DPP6: variants seen among roughly 807,000 people sequenced by gnomAD.
DPP6 encodes A-type potassium channel modulatory protein DPP6.
A neutral mutation model predicts 122.6 loss-of-function variants in DPP6; 69 were observed. The ratio of observed to expected loss-of-function variants is 0.56; its 90% CI spans 0.46 to 0.69. DPP6 has a LOEUF of 0.69. Among genes scored for constraint, DPP6 ranks in the 30% least tolerant of loss-of-function variants. The probability of loss-of-function intolerance (pLI) is 0.00; values close to 1 mark genes in which losing one functional copy is unlikely to be tolerated. For missense variants in DPP6, 928 were observed against 1,116.9 expected, an observed-to-expected ratio of 0.83 and a Z score of 2.41; for synonymous variants, 418 against 433.1, an observed-to-expected ratio of 0.97 and a Z score of 0.43.
At chr7:154,359,187 C>A (rs1004678358) in intron 1 of DPP6, among the ~76,000 whole-genome samples, 3 of 152,186 alleles carry the variant, frequency 2.0e-5, no homozygotes, top group African/African-American at 4.8e-5. Context: ...CACTCTGGGA[C>A]AAGCCCCCTG....
At chr7:154,445,228 A>G (rs537822585) in intron 1 of DPP6, among the ~76,000 whole-genome samples, 2 of 152,292 alleles carry the variant, frequency 1.3e-5, no homozygotes, top group South Asian at 2.1e-4. Context: ...GTGCACTATA[A>G]GAGTGTATTC....
At chr7:154,754,838 A>G (rs1174383419) in intron 8 of DPP6, among the ~76,000 whole-genome samples, 1 of 152,200 alleles carries the variant, frequency 6.6e-6, no homozygotes, top group African/African-American at 2.4e-5. Flanking sequence ...GACATGGATG[A>G]AGCTGGAAAC....
chr7:154,391,844 T>G (rs1041419884), intron 1 of DPP6, among the ~76,000 whole-genome samples: 3 of 152,194 alleles, frequency 2.0e-5, no homozygotes, highest in Non-Finnish European at 2.9e-5. Context: ...GCTTTAGGTC[T>G]CGGAGATCAG....
At chr7:153,965,728 C>T (rs1795673354) in intron 1 of DPP6, among the ~76,000 whole-genome samples, 1 of 151,904 alleles carries the variant, frequency 6.6e-6, no homozygotes, top group South Asian at 2.1e-4. Context: ...CGGTGGCTCA[C>T]ACCTGTAATC....
chr7:154,351,473 A>G (rs1201139318), intron 1 of DPP6, among the ~76,000 whole-genome samples: 3 of 152,042 alleles, frequency 2.0e-5, no homozygotes, highest in Non-Finnish European at 4.4e-5. Context: ...GGGATTAGAG[A>G]TCAAAAGGGG....
chr7:154,158,520 G>A lies in DPP6; in HGVS notation c.243+105457G>A, dbSNP rs1225521570. On this transcript the variant is annotated intron_variant, in intron 1 of 25. Coordinates refer to ENST00000377770, the MANE Select transcript of DPP6 (RefSeq NM_130797.4). ...AATGCAAAACATTACTATATTTTGAGGCTATTCCGAAGAAACAGATTTTGT... is the reference window on the plus strand; with the variant it reads ...AATGCAAAACATTACTATATTTTGAAGCTATTCCGAAGAAACAGATTTTGT... Among the ~76,000 whole-genome samples, 11 of 150,960 alleles carry A rather than the reference G, an allele frequency of 7.3e-5. 1 individual carries two copies. Among genetic ancestry groups the A allele is most frequent in the African/African-American group, 2.4e-4 (10 of 40,960 alleles).
rs567330954 is a variant in DPP6 at position 154,295,423 on chromosome 7, G to C, written c.244-150791G>C. Among the ~76,000 whole-genome samples the C allele has an allele frequency of 8.5e-5, 13 of 152,286 alleles. No homozygotes were observed. In the East Asian group the frequency reaches 2.3e-3, roughly 27 times the overall value. ...CCTCTAAGCCCCAATTTTCATATCT[G>C]TAAATTCCCTCCTAGGATCCTTGTG... On this transcript the variant is annotated intron_variant, in intron 1 of 25. Coordinates refer to ENST00000377770, the MANE Select transcript of DPP6 (RefSeq NM_130797.4).
intron 1 of DPP6, among the ~76,000 whole-genome samples, chr7:154,127,614 C>G (rs868554978): frequency 2.3e-4 from 25 of 106,438 alleles, no homozygotes; most frequent in African/African-American, 1.1e-3. Flanking sequence ...CACACACACA[C>G]ACACACACAC....
chr7:154,250,573 T>C (rs75099237), intron 1 of DPP6, among the ~76,000 whole-genome samples: 5,946 of 152,148 alleles, frequency 0.039, 187 homozygotes, highest in East Asian at 0.14. Context: ...TGTAGAAAAA[T>C]GGGTGTTTCT....
chr7:154,253,650 GATA>G (rs1260668839), intron 1 of DPP6, among the ~76,000 whole-genome samples: 2 of 152,168 alleles, frequency 1.3e-5, no homozygotes, highest in African/African-American at 4.8e-5. Context: ...TGATGATGAA[GATA>G]ATGATGATTG....
intron 7 of DPP6, among the ~76,000 whole-genome samples, chr7:154,716,696 T>G (rs1003370842): frequency 6.6e-6 from 1 of 151,334 alleles, no homozygotes; most frequent in African/African-American, 2.5e-5. Context: ...AGAGAGCATT[T>G]TTTTTTTCTC....
intron 7 of DPP6, among the ~76,000 whole-genome samples, chr7:154,720,044 A>G (rs1371622046): frequency 6.6e-6 from 1 of 152,126 alleles, no homozygotes; most frequent in African/African-American, 2.4e-5. Flanking sequence ...GTTGGTGAGG[A>G]GGGAGTACAG....
chr7:154,794,324 G>A, intron 11 of DPP6, 122 bp downstream of exon 11: 1 of 1,366,500 alleles, frequency 7.3e-7, no homozygotes. Context: ...CCGCCCAGCT[G>A]CTGCGGGGAG....
chr7:154,496,158 C>G (rs1436753679), intron 3 of DPP6, among the ~76,000 whole-genome samples: 1 of 152,078 alleles, frequency 6.6e-6, no homozygotes, highest in African/African-American at 2.4e-5. Context: ...TGATATGTTT[C>G]TAAGATCTTT....
Position 154,877,539 on chromosome 7 carries a change from G to A in DPP6, c.2078+1439G>A, listed in dbSNP as rs532599752. Among the ~76,000 whole-genome samples the A allele has an allele frequency of 2.4e-3, 368 of 152,182 alleles. No homozygotes were observed. Among genetic ancestry groups the A allele is most frequent in the African/African-American group, 8.3e-3 (344 of 41,514 alleles). On this transcript the variant is annotated intron_variant, in intron 20 of 25. Coordinates refer to ENST00000377770, the MANE Select transcript of DPP6 (RefSeq NM_130797.4). This position sits in a 1 kb window ranked among gnomAD's most constrained non-coding sequence, Gnocchi z 5.2. ...GTCACCAACGACCCAGGCTCTCTCC[G>A]TCTCTCCGCCCAGCCAGCCATGATG...
At chr7:154,185,343 G>A (rs1798301485) in intron 1 of DPP6, among the ~76,000 whole-genome samples, 1 of 152,068 alleles carries the variant, frequency 6.6e-6, no homozygotes, top group Admixed American at 6.6e-5. Context: ...TCAGAAGCTA[G>A]GCTCTGTGCA....
At chr7:154,790,846 AGGGAG>A (rs1373989909) in intron 10 of DPP6, among the ~76,000 whole-genome samples, 3 of 12,188 alleles carry the variant, frequency 2.5e-4, no homozygotes, top group African/African-American at 6.3e-4. Context: ...GGAAGGAGGG[AGGGAG>A]GGGAGGGGAG....
At chr7:154,704,959 A>C (rs2131279893) in intron 7 of DPP6, among the ~76,000 whole-genome samples, 1 of 151,826 alleles carries the variant, frequency 6.6e-6, no homozygotes, top group African/African-American at 2.4e-5. Context: ...TGGGTCTCAA[A>C]CTCCTCAAGC....
intron 1 of DPP6, among the ~76,000 whole-genome samples, chr7:154,155,076 C>T (rs200489186): frequency 6.6e-6 from 1 of 151,624 alleles, no homozygotes; most frequent in African/African-American, 2.4e-5. Flanking sequence ...GGCAGGGCTT[C>T]GTCCAAGTTC....
Sources: allele counts gnomAD v4.1 joint callset (sites outside exome capture counted in the v4.1 genomes callset), GRCh38; gene constraint gnomAD v4.1.1; non-coding constraint Gnocchi (gnomAD v3.1); transcripts MANE v1.5; gene names NCBI Gene and HGNC (gene_info 2026-07-23, HGNC 2026-07-21).